The following SV2B variants were observed in gnomAD, a reference collection of about 807,000 sequenced individuals.
SV2B encodes solute carrier family 22 member B2.
A neutral mutation model predicts 73.9 loss-of-function variants in SV2B; 41 were observed. The observed-to-expected ratio is 0.56, with a 90% CI of 0.43 to 0.72. SV2B has a LOEUF of 0.72. SV2B is among the 30% of genes least tolerant of loss of function. The pLI is 0.00. For synonymous variants in SV2B, 314 were observed against 314.2 expected, an observed-to-expected ratio of 1.00 and a Z score of 0.01; for missense variants, 764 against 857.8, an observed-to-expected ratio of 0.89 and a Z score of 1.37.
rs1273956803 is a variant in SV2B, at chr15:91,300,345, T to G, written c.*7793T>G. On this transcript the variant is annotated 3_prime_UTR_variant, in exon 13 of 13. Transcript: ENST00000394232. ...AGACCAAAAGGGTGTCTCTATTTTT[T>G]GTTGTTACTTCTCTGTTCTTGATGT... 6.6e-6 allele frequency: 1 copy of G among 152,224 alleles called. No homozygotes were observed. The highest frequency in any genetic ancestry group is 2.4e-5 in the African/African-American group (1 of 41,460). The allele number at this position is 152,224 out of a possible 1,614,324, so 9.4% of individuals were successfully genotyped here.
At chr15:91,154,221 T>C (rs2043410663) in intron 1 of SV2B, among the ~76,000 whole-genome samples, 1 of 150,470 alleles carries the variant, frequency 6.6e-6, no homozygotes, top group Non-Finnish European at 1.5e-5. Context: ...AATATAAAGA[T>C]ACTTTTTTAT....
rs1447038223 is a variant in SV2B at position 91,130,388 on chromosome 15, T to C, written c.-392+30025T>C. On this transcript the variant is annotated intron_variant, in intron 1 of 12. Transcript: ENST00000394232. The surrounding 1 kb of genome is among the most constrained non-coding windows in gnomAD (Gnocchi z 5.6). ...GTGCTTGGCTAGGGCTGAAGCATCA[T>C]GTGGCAGAAGTGGCTGAAATCATCC... Among the ~76,000 whole-genome samples the C allele has an allele frequency of 6.6e-6, 1 of 152,166 alleles. No individual in the cohort carries two copies. Among genetic ancestry groups the C allele is most frequent in the East Asian group, 1.9e-4 (1 of 5,196 alleles).
Position 91,245,797 on chromosome 15 carries a change from C to T in SV2B, c.452-6022C>T, listed in dbSNP as rs941271407. On this transcript the variant is annotated intron_variant, in intron 2 of 12. Transcript: ENST00000394232. The surrounding 1 kb of genome is among the most constrained non-coding windows in gnomAD (Gnocchi z 4.2). The stretch of plus-strand genomic sequence containing the variant: ...TATGCTGCCAAAAGACTATCAGGGA[C>T]GACTGAAATTTGGAACAGGAACCAA... 5.3e-5 allele frequency among the ~76,000 whole-genome samples: 8 copies of T among 151,712 alleles called. No individual in the cohort carries two copies. The highest frequency in any genetic ancestry group is 8.8e-5 in the Non-Finnish European group (6 of 67,958).
At position 91,295,150 on chromosome 15, in the gene SV2B, C is replaced by G. The variant is rs1596817156; in HGVS notation, c.*2598C>G. Reference sequence around the variant, plus strand: ...TGAGGCTTTCCTTTGTTTAGCAAATCTGTTCACAGTTCTTGATGATGTATT... The same window carrying G: ...TGAGGCTTTCCTTTGTTTAGCAAATGTGTTCACAGTTCTTGATGATGTATT... On this transcript the variant is annotated 3_prime_UTR_variant, in exon 13 of 13. Coordinates refer to ENST00000394232, the MANE Select transcript of SV2B (RefSeq NM_001323032.3). 2 of 152,706 alleles carry G rather than the reference C, an allele frequency of 1.3e-5. No individual in the cohort carries two copies. The highest frequency in any genetic ancestry group is 4.8e-5 in the African/African-American group (2 of 41,560). The allele number at this position is 152,706 out of a possible 1,614,324, so 9.5% of individuals were successfully genotyped here. A position where few individuals can be genotyped will look rare whatever the true frequency, so the allele number is the denominator to read the frequency against.
chr15:91,154,195 AATTAT>A (rs1242761941), intron 1 of SV2B, among the ~76,000 whole-genome samples: 2 of 148,472 alleles, frequency 1.3e-5, no homozygotes, highest in Non-Finnish European at 3.0e-5. Flanking sequence ...TATATTATAA[AATTAT>A]ATTATAAAGT....
intron 9 of SV2B, among the ~76,000 whole-genome samples, chr15:91,272,642 T>C (rs560057772): frequency 1.3e-5 from 2 of 152,072 alleles, no homozygotes; most frequent in African/African-American, 4.8e-5. Context: ...AATAGCTCAG[T>C]ATGAAAATGA....
chr15:91,116,912 C>A (rs2042196433), intron 1 of SV2B, among the ~76,000 whole-genome samples: 1 of 152,164 alleles, frequency 6.6e-6, no homozygotes, highest in South Asian at 2.1e-4. Flanking sequence ...CTTTATAAAA[C>A]CATCATCTTG....
chr15:91,136,476 G>A lies in SV2B; in HGVS notation c.-392+36113G>A, dbSNP rs377078387. Among the ~76,000 whole-genome samples the A allele has an allele frequency of 6.6e-5, 10 of 152,324 alleles. No individual in the cohort carries two copies. In the East Asian group the frequency reaches 1.2e-3, roughly 18 times the overall value. On this transcript the variant is annotated intron_variant, in intron 1 of 12. Transcript: ENST00000394232. The surrounding 1 kb of genome is among the most constrained non-coding windows in gnomAD (Gnocchi z 5.6). ...GGAGAACCAGTGGGAAGGCCCATGC[G>A]TCTCGGGTGCTTTGTCCCAGGGAGA...
intron 1 of SV2B, among the ~76,000 whole-genome samples, chr15:91,199,384 G>A (rs1279479368): frequency 6.6e-6 from 1 of 152,298 alleles, no homozygotes; most frequent in African/African-American, 2.4e-5. Flanking sequence ...GTGCTCCGGG[G>A]ACCAGAATCT....
chr15:91,103,214 G>C (rs1402181202), intron 1 of SV2B, among the ~76,000 whole-genome samples: 1 of 152,204 alleles, frequency 6.6e-6, no homozygotes, highest in Non-Finnish European at 1.5e-5. Flanking sequence ...AGAAAGCATA[G>C]GTCTTTGCAA....
chr15:91,260,735 G>T (rs1172341667), intron 6 of SV2B, among the ~76,000 whole-genome samples: 1 of 152,140 alleles, frequency 6.6e-6, no homozygotes, highest in African/African-American at 2.4e-5. Context: ...AGTTTAATTG[G>T]ACTTACAGTT....
rs538319505 is a variant in SV2B, at chr15:91,302,382, G to A, written c.*9830G>A. Reference sequence around the variant, plus strand: ...GATGGAGAGATCTGGGGGGTGCAGAGGAGGGACCTGGTTCTGGAGTGGTGA... The same window carrying A: ...GATGGAGAGATCTGGGGGGTGCAGAAGAGGGACCTGGTTCTGGAGTGGTGA... On this transcript the variant is annotated 3_prime_UTR_variant, in exon 13 of 13. Transcript: ENST00000394232. Among the ~76,000 whole-genome samples, 1 of 152,320 alleles carries A rather than the reference G, an allele frequency of 6.6e-6. No individual in the cohort carries two copies. Among genetic ancestry groups the A allele is most frequent in the African/African-American group, 2.4e-5 (1 of 41,566 alleles).
rs1828063969 is a variant in SV2B at position 91,289,865 on chromosome 15, T to A, written c.1868+185T>A. On this transcript the variant is annotated intron_variant, in intron 12 of 12. Coordinates refer to ENST00000394232, the MANE Select transcript of SV2B (RefSeq NM_001323032.3). The surrounding 1 kb of genome is among the most constrained non-coding windows in gnomAD (Gnocchi z 4.9). ...GGCATAGACCTGAAAGTTGGCAGGC[T>A]AGGGCTTGGATAGGGTGGGAAAGAT... Among the ~76,000 whole-genome samples the A allele has an allele frequency of 6.6e-6, 1 of 152,188 alleles. No individual in the cohort carries two copies. Among genetic ancestry groups the A allele is most frequent in the Non-Finnish European group, 1.5e-5 (1 of 68,032 alleles).
intron 1 of SV2B, among the ~76,000 whole-genome samples, chr15:91,166,660 T>C (rs965988030): frequency 6.6e-6 from 1 of 152,114 alleles, no homozygotes; most frequent in Non-Finnish European, 1.5e-5. Flanking sequence ...TTATATCCTC[T>C]ATTATTCAGA....
intron 1 of SV2B, among the ~76,000 whole-genome samples, chr15:91,204,511 C>A (rs1016019314): frequency 1.3e-5 from 2 of 150,700 alleles, no homozygotes; most frequent in African/African-American, 4.9e-5. Flanking sequence ...TTACACACAT[C>A]CACCAGTGCT....
In SV2B at chr15:91,297,871, G is replaced by A. The variant is rs142063564; in HGVS notation, c.*5319G>A. 1 of 152,374 alleles carries A rather than the reference G, an allele frequency of 6.6e-6. No individual in the cohort carries two copies. The highest frequency in any genetic ancestry group is 1.9e-4 in the East Asian group (1 of 5,192). 9.4% of individuals were successfully genotyped at this position (152,374 alleles called of 1,614,324 possible). ...GGGCCTGTGTCTGGTTGCAGGGCTT[G>A]AAGTATTTCGGAAGCTCAGCAGAGG... On this transcript the variant is annotated 3_prime_UTR_variant, in exon 13 of 13. Coordinates refer to ENST00000394232, the MANE Select transcript of SV2B (RefSeq NM_001323032.3). The surrounding 1 kb of genome is among the most constrained non-coding windows in gnomAD (Gnocchi z 5.1).
In SV2B at chr15:91,242,542, C is replaced by T. The variant is rs765220514; in HGVS notation, c.452-9277C>T. Among the ~76,000 whole-genome samples the T allele has an allele frequency of 1.3e-5, 2 of 152,028 alleles. No individual in the cohort carries two copies. Among genetic ancestry groups the T allele is most frequent in the African/African-American group, 2.4e-5 (1 of 41,352 alleles). On this transcript the variant is annotated intron_variant, in intron 2 of 12. Coordinates refer to ENST00000394232, the MANE Select transcript of SV2B (RefSeq NM_001323032.3). This position sits in a 1 kb window ranked among gnomAD's most constrained non-coding sequence, Gnocchi z 4.9. ...GTCAGGGAAGGCCTCTTTGAGATTT[C>T]GCCTGAAATATGAGAAGGAGCCAGC...
intron 2 of SV2B, among the ~76,000 whole-genome samples, chr15:91,246,967 A>AT (rs1356376710): frequency 3.3e-5 from 5 of 152,194 alleles, no homozygotes; most frequent in Admixed American, 1.3e-4. Context: ...TTCCAAATGT[A>AT]TTTTTTAAAT....
intron 9 of SV2B, among the ~76,000 whole-genome samples, chr15:91,276,976 A>T (rs1401998286): frequency 6.6e-6 from 1 of 151,954 alleles, no homozygotes; most frequent in Non-Finnish European, 1.5e-5. Flanking sequence ...ATGCAACACC[A>T]CACCTGGCTA....
Sources: allele counts gnomAD v4.1 joint callset (sites outside exome capture counted in the v4.1 genomes callset), GRCh38; gene constraint gnomAD v4.1.1; non-coding constraint Gnocchi (gnomAD v3.1); transcripts MANE v1.5; gene names NCBI Gene and HGNC (gene_info 2026-07-23, HGNC 2026-07-21).